The following C6orf58 variants were observed in gnomAD, a reference collection of about 807,000 sequenced individuals.
C6orf58 encodes chromosome 6 open reading frame 58.
C6orf58 carries 30 observed loss-of-function variants against 37.0 expected under a neutral mutation model. The ratio of observed to expected loss-of-function variants is 0.81; its 90% CI spans 0.61 to 1.10. The LOEUF (loss-of-function observed/expected upper bound fraction) is 1.10, where lower values mean the gene tolerates loss of function less well. Among genes scored for constraint, C6orf58 ranks in the 50% least tolerant of loss-of-function variants. The pLI is 0.00. For synonymous variants in C6orf58, 143 were observed against 134.1 expected, an observed-to-expected ratio of 1.07 and a Z score of -0.46; for missense variants, 368 against 387.5, an observed-to-expected ratio of 0.95 and a Z score of 0.42.
In C6orf58 at chr6:127,591,615, A is replaced by G; in HGVS notation, c.986A>G (p.Asn329Ser). 1 of 1,501,212 alleles carries G rather than the reference A, an allele frequency of 6.7e-7. No individual in the cohort carries two copies. The highest frequency in any genetic ancestry group is 8.9e-7 in the Non-Finnish European group (1 of 1,129,638). The allele number at this position is 1,501,212 out of a possible 1,614,324, so 93.0% of individuals were successfully genotyped here. A position where few individuals can be genotyped will look rare whatever the true frequency, so the allele number is the denominator to read the frequency against. The change falls in exon 6 of 6, where the codon AAC becomes AGC. Residue 329 changes from asparagine (N) to serine (S), a missense_variant. Transcript: ENST00000329722. ...SESSSRSYGN[N>S]S ...TCTAGCTCTAGAAGTTATGGAAATA[A>G]CTCCTGAAACATTTAACTTCAAACT...
At chr6:127,582,576 T>C (rs1299599228) in intron 4 of C6orf58, among the ~76,000 whole-genome samples, 4 of 152,228 alleles carry the variant, frequency 2.6e-5, no homozygotes, top group African/African-American at 4.8e-5. Context: ...TGCTGGCCAA[T>C]TGTAGCCTTT....
intron 4 of C6orf58, among the ~76,000 whole-genome samples, chr6:127,589,512 T>C (rs997497296): frequency 6.6e-6 from 1 of 152,192 alleles, no homozygotes; most frequent in Admixed American, 6.5e-5. Flanking sequence ...TTCTCACCTA[T>C]TATGGGGACA....
intron 2 of C6orf58, among the ~76,000 whole-genome samples, chr6:127,579,888 A>G (rs1775029242): frequency 6.6e-6 from 1 of 152,112 alleles, no homozygotes; most frequent in Non-Finnish European, 1.5e-5. Flanking sequence ...AAATACAAGT[A>G]CAATTCACAA....
At chr6:127,577,512 T>C in intron 1 of C6orf58, 26 bp downstream of exon 1, 1 of 1,601,008 alleles carries the variant, frequency 6.2e-7, no homozygotes, top group Non-Finnish European at 8.6e-7. Flanking sequence ...GTTTTCATTG[T>C]AATGATCTAC....
At chr6:127,582,217 G>A (rs942181717) in intron 4 of C6orf58, among the ~76,000 whole-genome samples, 1 of 152,110 alleles carries the variant, frequency 6.6e-6, no homozygotes, top group Non-Finnish European at 1.5e-5. Flanking sequence ...GAGACCATTT[G>A]ACATAGAATG....
Position 127,590,300 on chromosome 6 carries a change from G to A in C6orf58, c.888G>A (p.Met296Ile). 1.2e-6 allele frequency: 2 copies of A among 1,608,898 alleles called. No individual in the cohort carries two copies. Among genetic ancestry groups the A allele is most frequent in the South Asian group, 1.1e-5 (1 of 90,962 alleles). Residue 296 changes from methionine to isoleucine, a missense_variant, in exon 5 of 6, where the codon ATG becomes ATA. Physicochemically the swap from Met to Ile is conservative, Grantham distance 10. Coordinates refer to ENST00000329722, the MANE Select transcript of C6orf58 (RefSeq NM_001010905.3). ...FQNVVLVLLNMLDNVDKSIGY... is the reference protein window; with the variant it reads ...FQNVVLVLLNILDNVDKSIGY... ...ATGTAGTCCTGGTTCTTCTAAATATGCTTGACAATGTGGATAAATCTATAG... is the reference window on the plus strand; with the variant it reads ...ATGTAGTCCTGGTTCTTCTAAATATACTTGACAATGTGGATAAATCTATAG...
intron 4 of C6orf58, among the ~76,000 whole-genome samples, chr6:127,589,687 T>C (rs1410141049): frequency 6.6e-6 from 1 of 152,224 alleles, no homozygotes. Flanking sequence ...TCCCTGGCTT[T>C]AAGAAATCAA....
chr6:127,578,618 T>G (rs2114288912), intron 1 of C6orf58, 68 bp from the exon 2 acceptor site: 1 of 1,044,560 alleles, frequency 9.6e-7, no homozygotes, highest in East Asian at 2.5e-5. Flanking sequence ...TCTATGTGGT[T>G]AAGCAATAGT....
Position 127,580,317 on chromosome 6 carries a change from T to G in C6orf58, c.441T>G (p.Gly147=). 4 of 1,613,124 alleles carry G rather than the reference T, an allele frequency of 2.5e-6. No individual in the cohort carries two copies. The highest frequency in any genetic ancestry group is 3.3e-4 in the Middle Eastern group (2 of 6,056). ...CCTTTCTTGCTGCGGTTGATTCTGGTGTAATGGGGATATCATCAGACCAAG... is the reference window on the plus strand; with the variant it reads ...CCTTTCTTGCTGCGGTTGATTCTGGGGTAATGGGGATATCATCAGACCAAG... ...SLPFLAAVDS[G]VMGISSDQVR... The change falls in exon 3 of 6, where the codon GGT becomes GGG. Residue 147 remains glycine (G), a synonymous_variant. Coordinates refer to ENST00000329722, the MANE Select transcript of C6orf58 (RefSeq NM_001010905.3).
chr6:127,589,993 GT>G, intron 4 of C6orf58, 93 bp from the exon 5 acceptor site: 1 of 787,182 alleles, frequency 1.3e-6, no homozygotes, highest in Non-Finnish European at 2.1e-6. Flanking sequence ...TATGAATTTA[GT>G]TTGTTGGCAA....
In C6orf58 at chr6:127,577,293, T is replaced by A. The variant is rs1390500904; in HGVS notation, c.108T>A (p.Ser36Arg). Reference protein sequence around the residue: ...SETEPPLWKESPGQLSDYRVE... With the variant: ...SETEPPLWKERPGQLSDYRVE... The stretch of plus-strand genomic sequence containing the variant: ...CAGAGCCCCCTCTGTGGAAGGAGAG[T>A]CCTGGTCAGCTCAGTGACTACAGGG... Residue 36 changes from serine to arginine, a missense_variant, in exon 1 of 6, where the codon AGT (serine) becomes AGA (arginine). Ser to Arg is a moderately radical substitution (Grantham distance 110). Coordinates refer to ENST00000329722, the MANE Select transcript of C6orf58 (RefSeq NM_001010905.3). The A allele has an allele frequency of 1.5e-5, 24 of 1,613,488 alleles. No individual in the cohort carries two copies. Among genetic ancestry groups the A allele is most frequent in the East Asian group, 2.2e-5 (1 of 44,866 alleles).
At chr6:127,585,249 G>A (rs754759496) in intron 4 of C6orf58, among the ~76,000 whole-genome samples, 4 of 152,070 alleles carry the variant, frequency 2.6e-5, no homozygotes, top group Non-Finnish European at 5.9e-5. Flanking sequence ...CTTTTGAGAT[G>A]TCCCAAAGGC....
rs116149784 is a variant in C6orf58 at position 127,579,956 on chromosome 6, A to T, written c.389-309A>T. 5.7e-3 allele frequency among the ~76,000 whole-genome samples: 864 copies of T among 152,126 alleles called. 14 individuals carry two copies. Among genetic ancestry groups the T allele is most frequent in the African/African-American group, 0.02 (842 of 41,474 alleles). On this transcript the variant is annotated intron_variant, in intron 2 of 5. Coordinates refer to ENST00000329722, the MANE Select transcript of C6orf58 (RefSeq NM_001010905.3). ...GTGGAAAAGTTGATAGCTTTCTTCC[A>T]TTCTTACTTAATGCTTTGAAAAAAT...
chr6:127,577,313 A>G lies in C6orf58; in HGVS notation c.128A>G (p.Tyr43Cys). The G allele has an allele frequency of 1.2e-6, 2 of 1,613,630 alleles. No homozygotes were observed. The highest frequency in any genetic ancestry group is 8.5e-7 in the Non-Finnish European group (1 of 1,179,580). The change falls in exon 1 of 6, where the codon TAC becomes TGC. Residue 43 changes from tyrosine (Y) to cysteine (C), a missense_variant. Physicochemically the swap from Tyr to Cys is radical, Grantham distance 194 (BLOSUM62 -2). Coordinates refer to ENST00000329722, the MANE Select transcript of C6orf58 (RefSeq NM_001010905.3). ...GAGAGTCCTGGTCAGCTCAGTGACTACAGGGTGGAGAACAGCATGTACATT... is the reference window on the plus strand; with the variant it reads ...GAGAGTCCTGGTCAGCTCAGTGACTGCAGGGTGGAGAACAGCATGTACATT... ...WKESPGQLSD[Y>C]RVENSMYIIN...
intron 4 of C6orf58, among the ~76,000 whole-genome samples, chr6:127,585,565 A>C (rs977699193): frequency 2.0e-5 from 3 of 152,210 alleles, no homozygotes; most frequent in Non-Finnish European, 4.4e-5. Context: ...ATCTTAGTAA[A>C]ATGTGGAATC....
At position 127,587,234 on chromosome 6, in the gene C6orf58, A is replaced by T. The variant is rs1443830197; in HGVS notation, c.675-2853A>T. ...GGTTGCAAAAGTACAAGTATTTGTT[A>T]AAAACAGCATTTTTACTAAAAAACT... is the stretch of plus-strand genomic sequence containing the variant. On this transcript the variant is annotated intron_variant, in intron 4 of 5. Transcript: ENST00000329722. Among the ~76,000 whole-genome samples the T allele has an allele frequency of 2.6e-5, 4 of 152,298 alleles. No homozygotes were observed. The East Asian group carries it at 7.7e-4, about 29-fold the overall frequency.
intron 4 of C6orf58, among the ~76,000 whole-genome samples, chr6:127,585,924 T>C (rs1239240888): frequency 6.6e-6 from 1 of 152,212 alleles, no homozygotes; most frequent in African/African-American, 2.4e-5. Context: ...TTCTGTTTCT[T>C]GAACAAAACG....
intron 4 of C6orf58, among the ~76,000 whole-genome samples, chr6:127,589,805 A>T (rs1775142275): frequency 6.6e-6 from 1 of 152,152 alleles, no homozygotes; most frequent in Non-Finnish European, 1.5e-5. Flanking sequence ...ACTTTTGGTT[A>T]TTAGGTGGTA....
At chr6:127,580,584 G>T in intron 3 of C6orf58, 135 bp downstream of exon 3, 1 of 621,060 alleles carries the variant, frequency 1.6e-6, no homozygotes, top group East Asian at 2.7e-5. Flanking sequence ...TATATTAATA[G>T]TATATTGTAG....
Sources: allele counts gnomAD v4.1 joint callset (sites outside exome capture counted in the v4.1 genomes callset), GRCh38; gene constraint gnomAD v4.1.1; transcripts MANE v1.5; gene names NCBI Gene and HGNC (gene_info 2026-07-23, HGNC 2026-07-21).